The following KCNK13 variants were observed in gnomAD, a reference collection of about 807,000 sequenced individuals.
KCNK13 encodes the protein potassium two pore domain channel subfamily K member 13, also known as potassium channel subfamily K member 13.
In KCNK13, 12 loss-of-function variants were observed where a neutral mutation model predicts 23.4. The ratio of observed to expected loss-of-function variants is 0.51; its 90% CI spans 0.33 to 0.83. The LOEUF is 0.83. Ranked by LOEUF, KCNK13 falls within the 40% of genes least tolerant of loss-of-function variation. KCNK13 has a pLI of 0.02. For missense variants in KCNK13, 463 were observed against 556.3 expected (o/e 0.83, Z 1.69); for synonymous variants, 231 against 229.5 (o/e 1.01, Z -0.06).
At chr14:90,149,232 T>A (rs1385807540) in intron 1 of KCNK13, among the ~76,000 whole-genome samples, 1 of 152,144 alleles carries the variant, frequency 6.6e-6, no homozygotes, top group Non-Finnish European at 1.5e-5. Context: ...GGTGCATGCC[T>A]GTAGTCCTAG....
intron 1 of KCNK13, among the ~76,000 whole-genome samples, chr14:90,116,874 G>A (rs933341700): frequency 1.2e-4 from 19 of 152,020 alleles, no homozygotes; most frequent in African/African-American, 2.9e-4. Context: ...AATTAACCAC[G>A]TCAAAATACA....
intron 1 of KCNK13, among the ~76,000 whole-genome samples, chr14:90,087,154 A>ATATATATATATTT (rs1282261147): frequency 2.8e-5 from 3 of 107,650 alleles, no homozygotes; most frequent in African/African-American, 1.1e-4. Context: ...ATATATATAT[A>ATATATATATATTT]TTTTTTTTTT....
Position 90,062,172 on chromosome 14 carries a change from C to A in KCNK13, c.-34C>A. 1 of 1,302,000 alleles carries A rather than the reference C, an allele frequency of 7.7e-7. No homozygotes were observed. Among genetic ancestry groups the A allele is most frequent in the African/African-American group, 1.6e-5 (1 of 64,452 alleles). The allele number at this position is 1,302,000 out of a possible 1,614,324, so 80.7% of individuals were successfully genotyped here. ...GCGAGACTCCGCCGACGCCCGGTGC[C>A]GTGGGCCTGGGGGCTGCCCCCGGGG... On this transcript the variant is annotated 5_prime_UTR_variant, in exon 1 of 2. Coordinates refer to ENST00000282146, the MANE Select transcript of KCNK13 (RefSeq NM_022054.4). This position sits in a 1 kb window ranked among gnomAD's most constrained non-coding sequence, Gnocchi z 4.5.
chr14:90,131,273 C>T (rs1255186981), intron 1 of KCNK13, among the ~76,000 whole-genome samples: 1 of 151,890 alleles, frequency 6.6e-6, no homozygotes, highest in Non-Finnish European at 1.5e-5. Context: ...ACTCTGTCAC[C>T]CAGGCTGGAG....
chr14:90,108,668 C>G (rs1319056803), intron 1 of KCNK13, among the ~76,000 whole-genome samples: 1 of 152,160 alleles, frequency 6.6e-6, no homozygotes, highest in African/African-American at 2.4e-5. Context: ...GTTGGTCTTG[C>G]TGTCATATGG....
intron 1 of KCNK13, among the ~76,000 whole-genome samples, chr14:90,147,313 C>T (rs993097769): frequency 6.6e-6 from 1 of 152,086 alleles, no homozygotes; most frequent in Non-Finnish European, 1.5e-5. Context: ...AATGCAGTGG[C>T]ACAATCATAG....
At chr14:90,104,483 C>G (rs1889519060) in intron 1 of KCNK13, among the ~76,000 whole-genome samples, 1 of 152,188 alleles carries the variant, frequency 6.6e-6, no homozygotes, top group African/African-American at 2.4e-5. Flanking sequence ...AATAAGACAC[C>G]TTGTCCCTGT....
chr14:90,071,778 G>A lies in KCNK13; in HGVS notation c.334+9239G>A, dbSNP rs545459717. On this transcript the variant is annotated intron_variant, in intron 1 of 1. Coordinates refer to ENST00000282146, the MANE Select transcript of KCNK13 (RefSeq NM_022054.4). The stretch of plus-strand genomic sequence containing the variant: ...CTGGGTGTGGTTATGCACGCCTGTA[G>A]TCCCAGCTACTGGGGAGGCTGAGGC... 2.8e-4 allele frequency among the ~76,000 whole-genome samples: 42 copies of A among 152,132 alleles called. 1 individual carries two copies. The Middle Eastern group carries it at 0.01, about 37-fold the overall frequency.
chr14:90,079,403 A>G (rs1047877083), intron 1 of KCNK13, among the ~76,000 whole-genome samples: 2 of 152,140 alleles, frequency 1.3e-5, no homozygotes, highest in Non-Finnish European at 2.9e-5. Context: ...AGCATAAATT[A>G]CACCTTAGAA....
At chr14:90,143,213 T>G (rs1234626637) in intron 1 of KCNK13, among the ~76,000 whole-genome samples, 23 of 122,678 alleles carry the variant, frequency 1.9e-4, no homozygotes, top group Non-Finnish European at 4.1e-4. Flanking sequence ...CTTTCTTTTC[T>G]TTTTTTTTTT....
chr14:90,184,958 T>C lies in KCNK13; in HGVS notation c.1182T>C (p.Phe394=), dbSNP rs376984711. 57 of 1,609,896 alleles carry C rather than the reference T, an allele frequency of 3.5e-5. No homozygotes were observed. The highest frequency in any genetic ancestry group is 4.8e-5 in the Non-Finnish European group (57 of 1,177,880). ...DNEFSGGVGA[F]AIMNNRLAET... ...AATTCTCAGGGGGGGTGGGAGCCTT[T>C]GCAATCATGAACAACAGGTTGGCAG... The change falls in exon 2 of 2, where the codon TTT becomes TTC. Residue 394 remains phenylalanine (F), a synonymous_variant. Transcript: ENST00000282146. This position sits in a 1 kb window ranked among gnomAD's most constrained non-coding sequence, Gnocchi z 5.6.
At chr14:90,137,067 G>A (rs1286955835) in intron 1 of KCNK13, among the ~76,000 whole-genome samples, 1 of 152,140 alleles carries the variant, frequency 6.6e-6, no homozygotes, top group Non-Finnish European at 1.5e-5. Context: ...AAGTCCTTCT[G>A]ATTCATGTTT....
chr14:90,070,616 C>A (rs2140388776), intron 1 of KCNK13, among the ~76,000 whole-genome samples: 1 of 152,310 alleles, frequency 6.6e-6, no homozygotes, highest in East Asian at 1.9e-4. Flanking sequence ...TCAGTCCTTT[C>A]CTTGTGCTTT....
chr14:90,092,128 T>C (rs373098109), intron 1 of KCNK13, among the ~76,000 whole-genome samples: 6 of 152,126 alleles, frequency 3.9e-5, no homozygotes, highest in Non-Finnish European at 1.5e-5. Flanking sequence ...TTCACCATGT[T>C]AGCCAGGATG....
chr14:90,138,589 A>G (rs1889965614), intron 1 of KCNK13, among the ~76,000 whole-genome samples: 1 of 152,224 alleles, frequency 6.6e-6, no homozygotes, highest in Non-Finnish European at 1.5e-5. Context: ...GAGAATTTAT[A>G]TAAAATGTCA....
chr14:90,130,969 G>A (rs917762487), intron 1 of KCNK13, among the ~76,000 whole-genome samples: 6 of 152,112 alleles, frequency 3.9e-5, no homozygotes, highest in South Asian at 2.1e-4. Flanking sequence ...AGAGAAGCCC[G>A]AGTGTGAGAG....
Position 90,073,121 on chromosome 14 carries a change from G to A in KCNK13, c.334+10582G>A, listed in dbSNP as rs773665991. On this transcript the variant is annotated intron_variant, in intron 1 of 1. Coordinates refer to ENST00000282146, the MANE Select transcript of KCNK13 (RefSeq NM_022054.4). ...TGCCTTTTCTTCCTTTAGGGTCCTC[G>A]TTGTGGGAAGGATCGCCAGTTAAAG... is the stretch of plus-strand genomic sequence containing the variant. Among the ~76,000 whole-genome samples, 7 of 152,154 alleles carry A rather than the reference G, an allele frequency of 4.6e-5. No homozygotes were observed. The East Asian group carries it at 9.6e-4, about 21-fold the overall frequency.
chr14:90,101,146 T>A (rs1040117988), intron 1 of KCNK13, among the ~76,000 whole-genome samples: 1 of 152,058 alleles, frequency 6.6e-6, no homozygotes, highest in South Asian at 2.1e-4. Context: ...CACCTCAGAG[T>A]TGTTCTGAGG....
At position 90,062,323 on chromosome 14, in the gene KCNK13, G is replaced by A. The variant is rs1213609530; in HGVS notation, c.118G>A (p.Ala40Thr). 6.4e-7 allele frequency: 1 copy of A among 1,554,816 alleles called. No individual in the cohort carries two copies. The highest frequency in any genetic ancestry group is 8.6e-7 in the Non-Finnish European group (1 of 1,156,276). Residue 40 changes from alanine (A) to threonine (T), a missense_variant, in exon 1 of 2, where the codon GCG becomes ACG. By Grantham distance (58) the Ala-to-Thr change is moderately conservative. Coordinates refer to ENST00000282146, the MANE Select transcript of KCNK13 (RefSeq NM_022054.4). The surrounding 1 kb of genome is among the most constrained non-coding windows in gnomAD (Gnocchi z 4.5). ...YLLGGAAVFS[A>T]LELAHERQAK... ...GCTGGGCGGCGCCGCCGTCTTCTCC[G>A]CGCTGGAGCTGGCGCACGAGCGCCA...
Sources: gnomAD v4.1 joint callset for allele counts (sites outside exome capture counted in the v4.1 genomes callset) on GRCh38, gnomAD v4.1.1 for gene constraint, Gnocchi (gnomAD v3.1) non-coding constraint, MANE v1.5 for transcripts, NCBI Gene and HGNC (gene_info 2026-07-23, HGNC 2026-07-21) for gene names.